Variants in GRM7 observed in about 807,000 individuals in gnomAD.
GRM7 encodes metabotropic glutamate receptor 7.
A neutral mutation model predicts 84.5 loss-of-function variants in GRM7; 35 were observed. That is an observed-to-expected ratio of 0.41 (90% confidence interval 0.32 to 0.55). The LOEUF is 0.55. Among genes scored for constraint, GRM7 ranks in the 20% least tolerant of loss-of-function variants. The pLI is 0.19. For synonymous variants in GRM7, 487 were observed against 455.1 expected (o/e 1.07, Z -0.89); for missense variants, 1,003 against 1,194.6 (o/e 0.84, Z 2.36).
At chr3:7,518,714 A>G (rs1700482762) in intron 7 of GRM7, among the ~76,000 whole-genome samples, 2 of 152,236 alleles carry the variant, frequency 1.3e-5, no homozygotes, top group African/African-American at 2.4e-5. Flanking sequence ...AGACAAATTT[A>G]AAACCATAGC....
At chr3:7,475,411 T>C (rs562088545) in intron 7 of GRM7, among the ~76,000 whole-genome samples, 2 of 152,330 alleles carry the variant, frequency 1.3e-5, no homozygotes, top group South Asian at 2.1e-4. Flanking sequence ...GAAGCTATCA[T>C]TGATGTTGGT....
At chr3:7,020,736 A>C (rs563324443) in intron 1 of GRM7, among the ~76,000 whole-genome samples, 2 of 152,154 alleles carry the variant, frequency 1.3e-5, no homozygotes, top group South Asian at 4.1e-4. Flanking sequence ...TTAATTTATG[A>C]TTCATTTATG....
At chr3:7,310,596 C>A (rs538574734) in intron 4 of GRM7, among the ~76,000 whole-genome samples, 6 of 152,254 alleles carry the variant, frequency 3.9e-5, no homozygotes, top group African/African-American at 1.4e-4. Context: ...CACAATGCTG[C>A]TTCTAAGCAA....
intron 1 of GRM7, among the ~76,000 whole-genome samples, chr3:7,093,656 G>A (rs997798018): frequency 3.6e-5 from 4 of 111,368 alleles, no homozygotes; most frequent in African/African-American, 7.1e-5. Context: ...CAGCCTGGGC[G>A]ATAGAGCAAG....
At chr3:6,959,514 T>C (rs1426223798) in intron 1 of GRM7, among the ~76,000 whole-genome samples, 1 of 152,162 alleles carries the variant, frequency 6.6e-6, no homozygotes, top group African/African-American at 2.4e-5. Flanking sequence ...CCCTTTGTGA[T>C]GCTCTGTGAG....
chr3:7,415,341 C>A (rs943653628), intron 5 of GRM7, among the ~76,000 whole-genome samples, 178 bp downstream of exon 5: 10 of 152,152 alleles, frequency 6.6e-5, no homozygotes, highest in African/African-American at 2.2e-4. Flanking sequence ...GACATACAGA[C>A]AAGAATGTAT....
At chr3:7,000,807 G>C (rs1019478388) in intron 1 of GRM7, among the ~76,000 whole-genome samples, 1 of 152,162 alleles carries the variant, frequency 6.6e-6, no homozygotes, top group Non-Finnish European at 1.5e-5. Context: ...CCACACATTG[G>C]CTCAAACACG....
rs547500120 is a variant in GRM7, at chr3:6,980,275, A to G, written c.519+118368A>G. Among the ~76,000 whole-genome samples the G allele has an allele frequency of 2.0e-5, 3 of 152,238 alleles. No individual in the cohort carries two copies. In the East Asian group the frequency reaches 5.8e-4, roughly 29 times the overall value. On this transcript the variant is annotated intron_variant, in intron 1 of 9. Coordinates refer to ENST00000357716, the MANE Select transcript of GRM7 (RefSeq NM_000844.4). ...ACTTACTGATTATATAATACTTAAT[A>G]TTTTTGAGGCCATAGACCTTTACAG...
intron 4 of GRM7, among the ~76,000 whole-genome samples, chr3:7,329,907 C>T (rs78053000): frequency 6.6e-6 from 1 of 151,456 alleles, no homozygotes; most frequent in Non-Finnish European, 1.5e-5. Context: ...ATTAATTTTC[C>T]AGTTGTGTAG....
chr3:7,679,174 C>T (rs567598162), intron 8 of GRM7, among the ~76,000 whole-genome samples: 8 of 152,148 alleles, frequency 5.3e-5, no homozygotes, highest in South Asian at 4.2e-4. Context: ...AAAGGAGGAA[C>T]GTTCCATACG....
At chr3:7,334,358 A>G (rs1701321094) in intron 4 of GRM7, among the ~76,000 whole-genome samples, 1 of 152,088 alleles carries the variant, frequency 6.6e-6, no homozygotes, top group Admixed American at 6.6e-5. Flanking sequence ...ATGCTGAAAG[A>G]TTTTGCCTGC....
chr3:7,664,062 C>G lies in GRM7; in HGVS notation c.2452-15987C>G, dbSNP rs371409816. The stretch of plus-strand genomic sequence containing the variant: ...AGTGGAAGAAACAGAATGGATAGTT[C>G]ATTATTAGACACCCTATAATTACCC... On this transcript the variant is annotated intron_variant, in intron 8 of 9. Coordinates refer to ENST00000357716, the MANE Select transcript of GRM7 (RefSeq NM_000844.4). 9.2e-5 allele frequency among the ~76,000 whole-genome samples: 14 copies of G among 152,300 alleles called. No homozygotes were observed. In the South Asian group the frequency reaches 1.7e-3, roughly 18 times the overall value.
intron 8 of GRM7, among the ~76,000 whole-genome samples, chr3:7,604,141 A>G (rs1696450692): frequency 6.6e-6 from 1 of 152,152 alleles, no homozygotes; most frequent in South Asian, 2.1e-4. Context: ...TTCTTAAAAA[A>G]AAAAAAAAGC....
intron 2 of GRM7, among the ~76,000 whole-genome samples, chr3:7,221,943 A>T (rs1696818516): frequency 6.6e-6 from 1 of 150,808 alleles, no homozygotes; most frequent in Non-Finnish European, 1.5e-5. Flanking sequence ...AGTAGCTGGG[A>T]TTATAGGCAC....
chr3:6,880,075 G>A (rs572577791), intron 1 of GRM7, among the ~76,000 whole-genome samples: 31 of 152,212 alleles, frequency 2.0e-4, no homozygotes, highest in African/African-American at 7.5e-4. Context: ...CGTTAGCTAG[G>A]GCTTTAAACT....
chr3:6,881,310 G>A (rs1364895005), intron 1 of GRM7, among the ~76,000 whole-genome samples: 2 of 151,954 alleles, frequency 1.3e-5, no homozygotes, highest in Non-Finnish European at 2.9e-5. Flanking sequence ...CCCCCCAACA[G>A]TCTCCAGTGT....
intron 7 of GRM7, among the ~76,000 whole-genome samples, chr3:7,554,333 T>A (rs968502711): frequency 6.6e-6 from 1 of 152,190 alleles, no homozygotes; most frequent in Non-Finnish European, 1.5e-5. Context: ...TTGGCTTCCA[T>A]CTTCCCAACA....
At chr3:7,098,962 G>A (rs76083970) in intron 1 of GRM7, among the ~76,000 whole-genome samples, 1 of 151,748 alleles carries the variant, frequency 6.6e-6, no homozygotes, top group Non-Finnish European at 1.5e-5. Context: ...ATGCCTGTGG[G>A]TTTTTCTTTA....
intron 1 of GRM7, among the ~76,000 whole-genome samples, chr3:6,964,784 G>A (rs905976888): frequency 6.6e-6 from 1 of 152,122 alleles, no homozygotes; most frequent in Non-Finnish European, 1.5e-5. Flanking sequence ...CCAAACTCAT[G>A]ATTGTTCTTT....
Sources: gnomAD v4.1 joint callset for allele counts (sites outside exome capture counted in the v4.1 genomes callset) on GRCh38, gnomAD v4.1.1 for gene constraint, MANE v1.5 for transcripts, NCBI Gene and HGNC (gene_info 2026-07-23, HGNC 2026-07-21) for gene names.